KHDRBS2: variants seen among roughly 807,000 people sequenced by gnomAD.
The protein encoded by KHDRBS2 is KH RNA binding domain containing, signal transduction associated 2, also known as KH domain-containing, RNA-binding, signal transduction-associated protein 2.
KHDRBS2 carries 26 observed loss-of-function variants against 44.3 expected under a neutral mutation model. The observed-to-expected ratio is 0.59, with a 90% CI of 0.43 to 0.81. The LOEUF is 0.81. KHDRBS2 is among the 40% of genes least tolerant of loss of function. KHDRBS2 has a pLI of 0.00. For synonymous variants in KHDRBS2, 194 were observed against 151.1 expected, an observed-to-expected ratio of 1.28 and a Z score of -2.08; for missense variants, 476 against 433.1, an observed-to-expected ratio of 1.10 and a Z score of -0.88.
intron 8 of KHDRBS2, 81 bp from the exon 9 acceptor site, chr6:61,681,141 G>T: frequency 2.1e-6 from 2 of 956,186 alleles, no homozygotes; most frequent in Non-Finnish European, 3.3e-6. Flanking sequence ...ATAGTTGACC[G>T]AGAAAAAGAA....
intron 1 of KHDRBS2, among the ~76,000 whole-genome samples, chr6:62,264,443 C>G (rs1269420903): frequency 6.6e-6 from 1 of 151,660 alleles, no homozygotes; most frequent in East Asian, 1.9e-4. Context: ...CCAATTTAAA[C>G]AGAAAGCCAG....
At chr6:62,125,539 C>T (rs1249641093) in intron 2 of KHDRBS2, among the ~76,000 whole-genome samples, 1 of 152,164 alleles carries the variant, frequency 6.6e-6, no homozygotes, top group Non-Finnish European at 1.5e-5. Flanking sequence ...GTGCTTGCAC[C>T]ACCCATCCCC....
chr6:61,795,526 T>G (rs935317464), intron 6 of KHDRBS2, among the ~76,000 whole-genome samples: 3 of 152,126 alleles, frequency 2.0e-5, no homozygotes, highest in African/African-American at 7.2e-5. Context: ...AAGCCACTGA[T>G]ATAAATTATA....
intron 1 of KHDRBS2, among the ~76,000 whole-genome samples, chr6:62,276,543 A>T (rs1840967381): frequency 6.6e-6 from 1 of 152,184 alleles, no homozygotes; most frequent in Non-Finnish European, 1.5e-5. Context: ...CACATCACTA[A>T]GCTCTCTAAG....
At chr6:61,647,634 T>C in the KHDRBS2 span, among the ~76,000 whole-genome samples, 1 of 152,160 alleles carries the variant, frequency 6.6e-6, no homozygotes, top group Non-Finnish European at 1.5e-5. Flanking sequence ...CTGATTATAT[T>C]TTATACAAAA....
the KHDRBS2 span, among the ~76,000 whole-genome samples, chr6:61,658,361 A>G: frequency 3.3e-5 from 5 of 151,862 alleles, no homozygotes; most frequent in African/African-American, 1.2e-4. Flanking sequence ...CCTTAAAGAT[A>G]AAATTTTATT....
the KHDRBS2 span, among the ~76,000 whole-genome samples, chr6:61,658,672 C>T: frequency 1.3e-5 from 2 of 152,012 alleles, no homozygotes; most frequent in South Asian, 4.1e-4. Context: ...TTAAAACACA[C>T]CATGCATGAT....
chr6:61,597,499 C>A, the KHDRBS2 span, among the ~76,000 whole-genome samples: 3 of 151,412 alleles, frequency 2.0e-5, no homozygotes, highest in Admixed American at 2.0e-4. Flanking sequence ...TCTTTTAGAC[C>A]CTTTATGTGA....
At chr6:61,563,788 G>A in the KHDRBS2 span, among the ~76,000 whole-genome samples, 1 of 152,064 alleles carries the variant, frequency 6.6e-6, no homozygotes, top group African/African-American at 2.4e-5. Context: ...ACATTATACA[G>A]CGACGTTAGA....
intron 4 of KHDRBS2, among the ~76,000 whole-genome samples, chr6:61,905,656 AATC>A (rs1471653223): frequency 6.6e-6 from 1 of 152,174 alleles, no homozygotes; most frequent in Non-Finnish European, 1.5e-5. Context: ...GAACTTTTCT[AATC>A]ATAATTTTAA....
At chr6:62,124,045 C>T (rs1186445263) in intron 2 of KHDRBS2, among the ~76,000 whole-genome samples, 1 of 152,156 alleles carries the variant, frequency 6.6e-6, no homozygotes, top group Non-Finnish European at 1.5e-5. Context: ...GCAAAGGTTA[C>T]AAGTAACTTC....
intron 3 of KHDRBS2, among the ~76,000 whole-genome samples, chr6:61,997,214 T>C (rs1324109058): frequency 6.6e-6 from 1 of 152,236 alleles, no homozygotes; most frequent in Non-Finnish European, 1.5e-5. Flanking sequence ...TCTTAAAGTG[T>C]AGCTTTTAGC....
intron 1 of KHDRBS2, among the ~76,000 whole-genome samples, chr6:62,203,684 A>G (rs1827435456): frequency 1.3e-5 from 2 of 152,168 alleles, no homozygotes; most frequent in Non-Finnish European, 2.9e-5. Flanking sequence ...GAATCATAAA[A>G]GACTTTATAT....
intron 2 of KHDRBS2, among the ~76,000 whole-genome samples, chr6:62,093,389 T>C (rs1332225872): frequency 6.6e-6 from 1 of 151,928 alleles, no homozygotes. Context: ...ATTTGTGGAG[T>C]AGAATGTGAT....
At chr6:61,691,657 A>G (rs1442227300) in intron 8 of KHDRBS2, among the ~76,000 whole-genome samples, 1 of 152,060 alleles carries the variant, frequency 6.6e-6, no homozygotes, top group African/African-American at 2.4e-5. Context: ...ATTTTCCCAA[A>G]TTTATATTCT....
intron 6 of KHDRBS2, among the ~76,000 whole-genome samples, chr6:61,852,009 T>C (rs1277475159): frequency 6.6e-6 from 1 of 151,624 alleles, no homozygotes; most frequent in East Asian, 2.0e-4. Flanking sequence ...ATCACCTGAG[T>C]TCAGGAGTTC....
At chr6:61,730,107 G>A (rs1177682853) in intron 7 of KHDRBS2, among the ~76,000 whole-genome samples, 1 of 152,082 alleles carries the variant, frequency 6.6e-6, no homozygotes, top group Non-Finnish European at 1.5e-5. Flanking sequence ...ATTAGTGCAT[G>A]TACTCATTTT....
chr6:62,198,124 A>G (rs1563046992), intron 1 of KHDRBS2, among the ~76,000 whole-genome samples: 2 of 152,324 alleles, frequency 1.3e-5, no homozygotes, highest in East Asian at 3.9e-4. Context: ...AAATGCCCAC[A>G]AGAGAAAGCA....
intron 4 of KHDRBS2, among the ~76,000 whole-genome samples, chr6:61,972,917 T>C (rs1266577598): frequency 6.6e-6 from 1 of 152,130 alleles, no homozygotes; most frequent in Non-Finnish European, 1.5e-5. Flanking sequence ...AGGCTGAGGC[T>C]GGTGGGTCAT....
Sources: gnomAD v4.1 joint callset for allele counts (sites outside exome capture counted in the v4.1 genomes callset) on GRCh38, gnomAD v4.1.1 for gene constraint, MANE v1.5 for transcripts, NCBI Gene and HGNC (gene_info 2026-07-23, HGNC 2026-07-21) for gene names.